OR2V1: variants seen among roughly 807,000 people sequenced by gnomAD.
OR2V1 encodes the protein olfactory receptor 2V1.
OR2V1 carries 18 observed loss-of-function variants against 15.0 expected under a neutral mutation model. That is an observed-to-expected ratio of 1.20 (90% CI 0.83 to 1.78). The LOEUF (loss-of-function observed/expected upper bound fraction) is 1.78. OR2V1 is among the 40% of genes most tolerant of loss of function. The pLI is 0.00. For missense variants in OR2V1, 359 were observed against 392.9 expected (o/e 0.91, Z 0.73); for synonymous variants, 144 against 146.1 (o/e 0.99, Z 0.10).
chr5:181,125,215 AGAG>A lies in OR2V1; in HGVS notation c.87_89del (p.Ser30del). On this transcript the variant is annotated inframe_deletion, in exon 4 of 4. Transcript: ENST00000641551. ...CCACTGTGAAGACCACCATAACTGC[AGAG>A]AAGAGGACAAGGTCAGTCTGGCTGT... The A allele has an allele frequency of 6.2e-7, 1 of 1,614,064 alleles. No homozygotes were observed. Among genetic ancestry groups the A allele is most frequent in the Non-Finnish European group, 8.5e-7 (1 of 1,180,022 alleles).
chr5:181,125,375 C>T, intron 3 of OR2V1, 50 bp from the exon 4 acceptor site: 1 of 1,388,572 alleles, frequency 7.2e-7, no homozygotes, highest in Non-Finnish European at 9.8e-7. Flanking sequence ...CTCTATTGTG[C>T]TCCAAATTCT....
rs191696770 is a variant in OR2V1 at position 181,125,027 on chromosome 5, A to G, written c.278T>C (p.Ile93Thr). The change falls in exon 4 of 4, where the codon ATC (isoleucine) becomes ACC (threonine). Residue 93 changes from isoleucine (I) to threonine (T), a missense_variant. By Grantham distance (89) the Ile-to-Thr change is moderately conservative. Coordinates refer to ENST00000641551, the MANE Select transcript of OR2V1 (RefSeq NM_001258283.2). The part of the protein sequence containing the change: ...AANFLSGRKS[I>T]SFVGCGIQIG... ...TTGTATGCCACAGCCCACAAAGGAG[A>G]TGGACTTCCTGCCAGACAGGAAGTT... is the stretch of plus-strand genomic sequence containing the variant. The G allele has an allele frequency of 6.2e-7, 1 of 1,614,186 alleles. No individual in the cohort carries two copies. Among genetic ancestry groups the G allele is most frequent in the Non-Finnish European group, 8.5e-7 (1 of 1,180,042 alleles).
At chr5:181,130,894 C>A (rs1407550956) in intron 1 of OR2V1, among the ~76,000 whole-genome samples, 156 bp downstream of exon 1, 1 of 152,166 alleles carries the variant, frequency 6.6e-6, no homozygotes, top group Non-Finnish European at 1.5e-5. Flanking sequence ...CACAGCTGTC[C>A]CTTGGGCCCT....
At chr5:181,130,092 A>G (rs945101748) in intron 2 of OR2V1, 81 bp downstream of exon 2, 10 of 398,926 alleles carry the variant, frequency 2.5e-5, no homozygotes, top group Non-Finnish European at 4.0e-5. Flanking sequence ...GATGAACAAG[A>G]TAAATGGGGA....
intron 3 of OR2V1, among the ~76,000 whole-genome samples, chr5:181,127,827 A>C: frequency 6.6e-6 from 1 of 151,342 alleles, no homozygotes; most frequent in East Asian, 2.0e-4. Flanking sequence ...CAGATCCCCC[A>C]GCAGAAGAAG....
intron 3 of OR2V1, among the ~76,000 whole-genome samples, chr5:181,125,856 A>G (rs1762865557): frequency 6.6e-6 from 1 of 152,170 alleles, no homozygotes; most frequent in South Asian, 2.1e-4. Context: ...GTGGTGGCGC[A>G]TGACTGTAAT....
chr5:181,125,422 G>A (rs565116202), intron 3 of OR2V1, 97 bp from the exon 4 acceptor site: 91 of 854,964 alleles, frequency 1.1e-4, no homozygotes, highest in Non-Finnish European at 1.4e-4. Context: ...GATGCAGGAG[G>A]ACACTCGTAT....
At position 181,123,190 on chromosome 5, in the gene OR2V1, A is replaced by G. The variant is rs1762825196; in HGVS notation, c.*1167T>C. 1 of 152,336 alleles carries G rather than the reference A, an allele frequency of 6.6e-6. No individual in the cohort carries two copies. The highest frequency in any genetic ancestry group is 1.5e-5 in the Non-Finnish European group (1 of 68,024). The allele number at this position is 152,336 out of a possible 1,614,324, so 9.4% of individuals were successfully genotyped here. ...GCATTCATTCAATAATGTTTTATTG[A>G]GCAACTGCTACTTATAAGGCACAGG... On this transcript the variant is annotated 3_prime_UTR_variant, in exon 4 of 4. Coordinates refer to ENST00000641551, the MANE Select transcript of OR2V1 (RefSeq NM_001258283.2).
chr5:181,130,125 G>A (rs1049678014), intron 2 of OR2V1, 48 bp downstream of exon 2: 30 of 399,002 alleles, frequency 7.5e-5, no homozygotes, highest in Non-Finnish European at 1.2e-4. Flanking sequence ...ATGGGAGCAG[G>A]AGCTGCAGGG....
chr5:181,128,029 C>A (rs908843879), intron 3 of OR2V1, among the ~76,000 whole-genome samples: 12 of 152,104 alleles, frequency 7.9e-5, no homozygotes, highest in Non-Finnish European at 1.6e-4. Flanking sequence ...TCAACCTCTC[C>A]CCTCAGCTGT....
intron 3 of OR2V1, among the ~76,000 whole-genome samples, chr5:181,126,501 C>T (rs1039896464): frequency 6.6e-6 from 1 of 151,292 alleles, no homozygotes; most frequent in Non-Finnish European, 1.5e-5. Flanking sequence ...GACACACACA[C>T]AGACAGACAT....
intron 3 of OR2V1, among the ~76,000 whole-genome samples, chr5:181,127,388 GA>G (rs1762889347): frequency 6.6e-6 from 1 of 152,224 alleles, no homozygotes; most frequent in Admixed American, 6.5e-5. Flanking sequence ...GACAGTGAGT[GA>G]AAATGGAAGA....
In OR2V1 at chr5:181,124,364, T is replaced by C; in HGVS notation, c.941A>G (p.Gln314Arg). The C allele has an allele frequency of 1.9e-6, 3 of 1,574,496 alleles. No individual in the cohort carries two copies. The highest frequency in any genetic ancestry group is 2.6e-6 in the Non-Finnish European group (3 of 1,159,620). ...GGCACCAGACTCTGGGGTTCAGTGC[T>C]GGCTGCCAATCCTGCAGCGGTCCAG... is the stretch of plus-strand genomic sequence containing the variant. ...KGLDRCRIGS[Q>R]H Residue 314 changes from glutamine to arginine, a missense_variant, in exon 4 of 4, where the codon CAG (glutamine) becomes CGG (arginine). Physicochemically the swap from Gln to Arg is conservative, Grantham distance 43. Transcript: ENST00000641551.
Position 181,124,440 on chromosome 5 carries a change from G to C in OR2V1, c.865C>G (p.Leu289Val). ...YTVLTPMLNP[L>V]IYSLRNGEVM... is the part of the protein sequence containing the mutation. ...TCCCCATTCCTCAAGCTGTAAATGA[G>C]GGGGTTCAGCATGGGAGTAAGGACT... Residue 289 changes from leucine (L) to valine (V), a missense_variant, in exon 4 of 4, where the codon CTC becomes GTC. Leu to Val is a conservative substitution (Grantham distance 32). Transcript: ENST00000641551. 1 of 1,613,858 alleles carries C rather than the reference G, an allele frequency of 6.2e-7. No homozygotes were observed. Among genetic ancestry groups the C allele is most frequent in the Non-Finnish European group, 8.5e-7 (1 of 1,179,918 alleles).
Position 181,124,902 on chromosome 5 carries a change from T to A in OR2V1, c.403A>T (p.Ile135Phe). ...AGACAGACCCTCTGATTCATGAGGA[T>A]GGGATAGTGAAGTGGGTGGCTAACG... is the stretch of plus-strand genomic sequence containing the variant. ...VAVSHPLHYP[I>F]LMNQRVCLQI... Residue 135 changes from isoleucine to phenylalanine, a missense_variant, in exon 4 of 4, where the codon ATC becomes TTC. Ile to Phe is a conservative substitution (Grantham distance 21). Transcript: ENST00000641551. 6.2e-7 allele frequency: 1 copy of A among 1,613,574 alleles called. No individual in the cohort carries two copies. The highest frequency in any genetic ancestry group is 8.5e-7 in the Non-Finnish European group (1 of 1,179,748).
rs1027192716 is a variant in OR2V1, at chr5:181,123,856, T to C, written c.*501A>G. The stretch of plus-strand genomic sequence containing the variant: ...CTCAATTTCTGCCATTTAGAAAGTT[T>C]CCACTTAAGATATCCACATTTGTTA... On this transcript the variant is annotated 3_prime_UTR_variant, in exon 4 of 4. Coordinates refer to ENST00000641551, the MANE Select transcript of OR2V1 (RefSeq NM_001258283.2). 2.0e-5 allele frequency: 3 copies of C among 152,368 alleles called. No homozygotes were observed. Among genetic ancestry groups the C allele is most frequent in the Non-Finnish European group, 2.9e-5 (2 of 68,150 alleles). The allele number at this position is 152,368 out of a possible 1,614,324, so 9.4% of individuals were successfully genotyped here.
At chr5:181,126,971 C>A (rs1762882529) in intron 3 of OR2V1, among the ~76,000 whole-genome samples, 1 of 152,244 alleles carries the variant, frequency 6.6e-6, no homozygotes, top group Non-Finnish European at 1.5e-5. Flanking sequence ...CCCAGGTCCC[C>A]CTCCCTCCCT....
Position 181,123,668 on chromosome 5 carries a change from A to C in OR2V1, c.*689T>G, listed in dbSNP as rs1762830586. Reference sequence around the variant, plus strand: ...TTATCCTCGTGATTTTGGGGGCCCAAGATATCCTCCTTTCATAACACACAC... The same window carrying C: ...TTATCCTCGTGATTTTGGGGGCCCACGATATCCTCCTTTCATAACACACAC... On this transcript the variant is annotated 3_prime_UTR_variant, in exon 4 of 4. Transcript: ENST00000641551. 6.6e-6 allele frequency: 1 copy of C among 152,214 alleles called. No individual in the cohort carries two copies. Among genetic ancestry groups the C allele is most frequent in the African/African-American group, 2.4e-5 (1 of 41,444 alleles). 9.4% of individuals were successfully genotyped at this position (152,214 alleles called of 1,614,324 possible). A position where few individuals can be genotyped will look rare whatever the true frequency, so the allele number is the denominator to read the frequency against.
At chr5:181,125,450 C>T (rs1762861774) in intron 3 of OR2V1, 125 bp from the exon 4 acceptor site, 1 of 700,924 alleles carries the variant, frequency 1.4e-6, no homozygotes, top group South Asian at 1.9e-5. Context: ...ACACAGGTGA[C>T]AGGACCTCTG....
Sources: gnomAD v4.1 joint callset for allele counts (sites outside exome capture counted in the v4.1 genomes callset) on GRCh38, gnomAD v4.1.1 for gene constraint, MANE v1.5 for transcripts, NCBI Gene and HGNC (gene_info 2026-07-23, HGNC 2026-07-21) for gene names.